The following NEMP2 variants were observed in gnomAD, a reference collection of about 807,000 sequenced individuals.
NEMP2 encodes the protein nuclear envelope integral membrane protein 2, also known as UPF0571 transmembrane protein.
A neutral mutation model predicts 54.2 loss-of-function variants in NEMP2; 53 were observed. That is an observed-to-expected ratio of 0.98 (90% confidence interval 0.78 to 1.23). The LOEUF is 1.23. Among genes scored for constraint, NEMP2 ranks in the 50% most tolerant of loss-of-function variants. The pLI is 0.00. For missense variants in NEMP2, 455 were observed against 511.3 expected (o/e 0.89, Z 1.06); for synonymous variants, 197 against 190.3 (o/e 1.04, Z -0.29).
At chr2:190,639,839 G>A in the NEMP2 span, among the ~76,000 whole-genome samples, 2 of 151,930 alleles carry the variant, frequency 1.3e-5, no homozygotes, top group Admixed American at 6.6e-5. Context: ...TAGTAGAGAC[G>A]TGGCTTCACC....
At chr2:190,451,299 A>G in the NEMP2 span, among the ~76,000 whole-genome samples, 1 of 152,212 alleles carries the variant, frequency 6.6e-6, no homozygotes, top group Non-Finnish European at 1.5e-5. This position sits in a 1 kb window ranked among gnomAD's most constrained non-coding sequence, Gnocchi z 5.0. Context: ...ACCTAACTTC[A>G]TAGCATTGTC....
chr2:190,477,025 A>G, the NEMP2 span, among the ~76,000 whole-genome samples: 12 of 125,470 alleles, frequency 9.6e-5, no homozygotes, highest in African/African-American at 3.4e-4. Flanking sequence ...GGACACAGGA[A>G]GGGGAACATC....
At chr2:190,484,020 G>A in the NEMP2 span, among the ~76,000 whole-genome samples, 8 of 152,196 alleles carry the variant, frequency 5.3e-5, no homozygotes, top group Non-Finnish European at 1.0e-4. Flanking sequence ...TAAAGGTAAG[G>A]AAGGACTGAG....
At chr2:190,434,447 A>AT in the NEMP2 span, among the ~76,000 whole-genome samples, 2 of 151,966 alleles carry the variant, frequency 1.3e-5, no homozygotes, top group African/African-American at 2.4e-5. This position sits in a 1 kb window ranked among gnomAD's most constrained non-coding sequence, Gnocchi z 4.3. Flanking sequence ...TTATTTATTT[A>AT]TTTTTTTGAG....
chr2:190,493,235 T>C, the NEMP2 span, among the ~76,000 whole-genome samples: 2 of 151,956 alleles, frequency 1.3e-5, no homozygotes, highest in African/African-American at 4.8e-5. Context: ...GTAGCTATTC[T>C]TACATCAGAC....
the NEMP2 span, among the ~76,000 whole-genome samples, chr2:190,603,550 T>C: frequency 1.4e-5 from 2 of 147,702 alleles, no homozygotes; most frequent in African/African-American, 5.1e-5. Flanking sequence ...CTCCCTTTTA[T>C]CCATCCTACT....
the NEMP2 span, chr2:190,437,151 CTTCGGCGTT>C: frequency 6.2e-7 from 1 of 1,614,130 alleles, no homozygotes; most frequent in African/African-American, 1.3e-5. The surrounding 1 kb of genome is among the most constrained non-coding windows in gnomAD (Gnocchi z 5.9). Flanking sequence ...TCTTCATCGT[CTTCGGCGTT>C]CTCATGACCA....
At chr2:190,551,567 C>T in the NEMP2 span, among the ~76,000 whole-genome samples, 1 of 151,972 alleles carries the variant, frequency 6.6e-6, no homozygotes, top group Non-Finnish European at 1.5e-5. Context: ...CATTTCATTT[C>T]TTGTATCATT....
the NEMP2 span, among the ~76,000 whole-genome samples, chr2:190,487,535 A>G: frequency 6.6e-6 from 1 of 152,200 alleles, no homozygotes; most frequent in Non-Finnish European, 1.5e-5. The surrounding 1 kb of genome is among the most constrained non-coding windows in gnomAD (Gnocchi z 5.5). Context: ...TCCAGAATAT[A>G]TAAAGAGCTC....
At chr2:190,546,677 A>G in the NEMP2 span, among the ~76,000 whole-genome samples, 1 of 152,038 alleles carries the variant, frequency 6.6e-6, no homozygotes, top group Admixed American at 6.5e-5. This position sits in a 1 kb window ranked among gnomAD's most constrained non-coding sequence, Gnocchi z 5.1. Context: ...CCCCCATTTT[A>G]TTACATCTGT....
At chr2:190,545,762 T>C in the NEMP2 span, among the ~76,000 whole-genome samples, 9 of 152,214 alleles carry the variant, frequency 5.9e-5, no homozygotes, top group Admixed American at 3.9e-4. Context: ...TCTGCTTCTA[T>C]GTTCTCTCTC....
chr2:190,461,590 G>T, the NEMP2 span, among the ~76,000 whole-genome samples: 2 of 152,146 alleles, frequency 1.3e-5, no homozygotes, highest in African/African-American at 2.4e-5. This position sits in a 1 kb window ranked among gnomAD's most constrained non-coding sequence, Gnocchi z 5.5. Flanking sequence ...TCGGTGACTG[G>T]TAAAGGCCTC....
chr2:190,477,510 C>A, the NEMP2 span: 1 of 250,898 alleles, frequency 4.0e-6, no homozygotes, highest in Non-Finnish European at 6.3e-6. Flanking sequence ...AGAGAACATC[C>A]ATGAAACGGT....
chr2:190,516,194 T>C (rs1690548769), intron 6 of NEMP2, 76 bp downstream of exon 6: 4 of 959,088 alleles, frequency 4.2e-6, no homozygotes, highest in African/African-American at 3.3e-5. Context: ...GAGAGAAACA[T>C]CTATCAAAAG....
At chr2:190,573,460 T>G in the NEMP2 span, among the ~76,000 whole-genome samples, 1 of 152,172 alleles carries the variant, frequency 6.6e-6, no homozygotes, top group East Asian at 1.9e-4. Flanking sequence ...GCTACTCTTC[T>G]CCCTTTGCCG....
upstream of NEMP2, among the ~76,000 whole-genome samples, chr2:190,538,392 G>A (rs1182232796): frequency 1.3e-5 from 2 of 152,094 alleles, no homozygotes; most frequent in African/African-American, 4.8e-5. The surrounding 1 kb of genome is among the most constrained non-coding windows in gnomAD (Gnocchi z 4.1). Context: ...CACTTGGGTT[G>A]ATTCCATGTT....
chr2:190,507,821 G>A lies in NEMP2; in HGVS notation c.*1368C>T, dbSNP rs1690230118. 6.6e-6 allele frequency: 1 copy of A among 152,162 alleles called. No homozygotes were observed. Among genetic ancestry groups the A allele is most frequent in the Non-Finnish European group, 1.5e-5 (1 of 68,038 alleles). 9.4% of individuals were successfully genotyped at this position (152,162 alleles called of 1,614,324 possible). A position where few individuals can be genotyped will look rare whatever the true frequency, so the allele number is the denominator to read the frequency against. ...CTACTTAATTTGGCTCAGGAAAGCA[G>A]CAGTGCCAAAATTCTGTCTATCCTT... On this transcript the variant is annotated 3_prime_UTR_variant, in exon 9 of 9. Coordinates refer to ENST00000409150, the MANE Select transcript of NEMP2 (RefSeq NM_001142645.2). The surrounding 1 kb of genome is among the most constrained non-coding windows in gnomAD (Gnocchi z 4.4).
the NEMP2 span, among the ~76,000 whole-genome samples, chr2:190,481,551 AAGG>A: frequency 6.6e-6 from 1 of 152,144 alleles, no homozygotes; most frequent in African/African-American, 2.4e-5. Flanking sequence ...GTCTGTTCTC[AAGG>A]AGCTCAGTCT....
the NEMP2 span, among the ~76,000 whole-genome samples, chr2:190,586,593 G>T: frequency 9.2e-5 from 14 of 152,170 alleles, no homozygotes; most frequent in Non-Finnish European, 1.6e-4. The surrounding 1 kb of genome is among the most constrained non-coding windows in gnomAD (Gnocchi z 4.5). Context: ...GGTTATATCA[G>T]TAGATAAAAT....
Sources: gnomAD v4.1 joint callset for allele counts (sites outside exome capture counted in the v4.1 genomes callset) on GRCh38, gnomAD v4.1.1 for gene constraint, Gnocchi (gnomAD v3.1) non-coding constraint, MANE v1.5 for transcripts, NCBI Gene and HGNC (gene_info 2026-07-23, HGNC 2026-07-21) for gene names.